Variants in SLC15A4 observed in about 807,000 individuals in gnomAD.
SLC15A4 encodes hPHT1.
In SLC15A4, 26 loss-of-function variants were observed where a neutral mutation model predicts 46.1. The ratio of observed to expected loss-of-function variants is 0.56; its 90% confidence interval spans 0.41 to 0.78. The LOEUF (loss-of-function observed/expected upper bound fraction) is 0.78. SLC15A4 is among the 30% of genes least tolerant of loss of function. SLC15A4 has a pLI of 0.00. For synonymous variants in SLC15A4, 370 were observed against 333.4 expected (o/e 1.11, Z -1.20); for missense variants, 751 against 755.7 (o/e 0.99, Z 0.07).
Position 128,794,200 on chromosome 12 carries a change from G to A in SLC15A4, c.1730C>T (p.Ala577Val), listed in dbSNP as rs113773617. Residue 577 changes from alanine to valine, a missense_variant, in exon 8 of 8, where the codon GCC (alanine) becomes GTC (valine). Ala to Val is a moderately conservative substitution (Grantham distance 64). Coordinates refer to ENST00000266771, the MANE Select transcript of SLC15A4 (RefSeq NM_145648.4). ...RANGVPTSRR[A>V] ...CCGCACATGGCCTCAGGAAGGTCAG[G>A]CCCTCCTGCTGGTGGGCACGCCATT... The A allele has an allele frequency of 1.3e-3, 2,103 of 1,611,124 alleles. 17 individuals are homozygous for A. In the African/African-American group the frequency reaches 0.02, roughly 16 times the overall value.
chr12:128,808,941 G>C lies in SLC15A4; in HGVS notation c.1105C>G (p.Leu369Val). The C allele has an allele frequency of 6.2e-7, 1 of 1,613,908 alleles. No individual in the cohort carries two copies. Among genetic ancestry groups the C allele is most frequent in the Non-Finnish European group, 8.5e-7 (1 of 1,179,846 alleles). The change falls in exon 5 of 8, where the codon CTG (leucine) becomes GTG (valine). Residue 369 changes from leucine (L) to valine (V), a missense_variant. Transcript: ENST00000266771. ...TTPHTLPAAW[L>V]TMFDAVLILL... ...ATGAGCACAGCATCAAACATGGTCA[G>C]CCAGGCTGCAGGGAGCTGGGGTGAA...
In SLC15A4 at chr12:128,795,145, C is replaced by G. The variant is rs1249420145; in HGVS notation, c.1574-789G>C. Among the ~76,000 whole-genome samples, 5 of 152,218 alleles carry G rather than the reference C, an allele frequency of 3.3e-5. No homozygotes were observed. The East Asian group carries it at 7.7e-4, about 24-fold the overall frequency. ...CATCACAGATTGCACTATGACACAGCCTGAACATCGTGAATTCTGGATTCA... is the reference window on the plus strand; with the variant it reads ...CATCACAGATTGCACTATGACACAGGCTGAACATCGTGAATTCTGGATTCA... On this transcript the variant is annotated intron_variant, in intron 7 of 7. Coordinates refer to ENST00000266771, the MANE Select transcript of SLC15A4 (RefSeq NM_145648.4).
In SLC15A4 at chr12:128,809,458, C is replaced by G; in HGVS notation, c.1027G>C (p.Val343Leu). ...TVYFQMQTTY[V>L]LQSLHLRIPE... ...ATCCTCAAATGAAGACTCTGTAAAA[C>G]ATATGTTGTCTGCATCTAGGTATAA... is the stretch of plus-strand genomic sequence containing the variant. The change falls in exon 4 of 8, where the codon GTT (valine) becomes CTT (leucine). Residue 343 changes from valine to leucine, a missense_variant. Physicochemically the swap from Val to Leu is conservative, Grantham distance 32. Coordinates refer to ENST00000266771, the MANE Select transcript of SLC15A4 (RefSeq NM_145648.4). The G allele has an allele frequency of 6.2e-7, 1 of 1,606,556 alleles. No individual in the cohort carries two copies. Among genetic ancestry groups the G allele is most frequent in the South Asian group, 1.1e-5 (1 of 89,808 alleles).
intron 5 of SLC15A4, among the ~76,000 whole-genome samples, chr12:128,807,017 C>T (rs969399231): frequency 3.3e-5 from 5 of 151,462 alleles, no homozygotes; most frequent in East Asian, 1.9e-4. Context: ...ACTCTCCTGC[C>T]TCAACCTCCC....
intron 2 of SLC15A4, chr12:128,810,358 G>C (rs746266940): frequency 1.3e-5 from 6 of 464,112 alleles, no homozygotes; most frequent in Non-Finnish European, 2.0e-5. Flanking sequence ...TGTAATTTTG[G>C]CGTGGCTGGA....
chr12:128,798,997 A>G (rs1391865560), intron 7 of SLC15A4, among the ~76,000 whole-genome samples: 2 of 152,134 alleles, frequency 1.3e-5, no homozygotes, highest in South Asian at 2.1e-4. Flanking sequence ...TGGCTGCAGC[A>G]GCTGCTCGCT....
intron 5 of SLC15A4, among the ~76,000 whole-genome samples, chr12:128,808,015 A>G (rs1039869249): frequency 3.3e-5 from 5 of 152,268 alleles, no homozygotes; most frequent in African/African-American, 9.6e-5. Context: ...ATGACAGCAG[A>G]TAATACATAG....
At chr12:128,822,255 G>C (rs1165714923) in intron 1 of SLC15A4, among the ~76,000 whole-genome samples, 1 of 152,242 alleles carries the variant, frequency 6.6e-6, no homozygotes, top group Non-Finnish European at 1.5e-5. Context: ...TTGCAGGGGA[G>C]CAGCTTGATG....
chr12:128,800,575 C>A (rs1348450622), intron 6 of SLC15A4, among the ~76,000 whole-genome samples: 1 of 152,262 alleles, frequency 6.6e-6, no homozygotes, highest in Non-Finnish European at 1.5e-5. Context: ...TGGGAACTAT[C>A]CAACCACGAT....
Position 128,794,365 on chromosome 12 carries a change from A to G in SLC15A4, c.1574-9T>C. On this transcript the variant is annotated splice_polypyrimidine_tract_variant and intron_variant, in intron 7 of 7. Coordinates refer to ENST00000266771, the MANE Select transcript of SLC15A4 (RefSeq NM_145648.4). The stretch of plus-strand genomic sequence containing the variant: ...GCAGCCGTTAATATTACCTGGAGAA[A>G]ACAAAAGGAAAGCGGCAGGTAAGCT... 3 of 1,581,824 alleles carry G rather than the reference A, an allele frequency of 1.9e-6. No homozygotes were observed. The highest frequency in any genetic ancestry group is 2.2e-5 in the East Asian group (1 of 44,732).
In SLC15A4 at chr12:128,823,745, A is replaced by C; in HGVS notation, c.199T>G (p.Phe67Val). The change falls in exon 1 of 8, where the codon TTC becomes GTC. Residue 67 changes from phenylalanine to valine, a missense_variant. Phe to Val is a conservative substitution (Grantham distance 50). Coordinates refer to ENST00000266771, the MANE Select transcript of SLC15A4 (RefSeq NM_145648.4). ...CTGGCCTGCGCGCCCTCCCAGCAGA[A>C]CGGCGCCCCGTTCAGGAATAGCACC... ...NLVLFLNGAP[F>V]CWEGAQASEA... 6.5e-7 allele frequency: 1 copy of C among 1,539,522 alleles called. No homozygotes were observed. The highest frequency in any genetic ancestry group is 1.4e-5 in the African/African-American group (1 of 70,990).
intron 7 of SLC15A4, 113 bp downstream of exon 7, chr12:128,799,146 G>C (rs1299853805): frequency 5.2e-6 from 6 of 1,161,846 alleles, no homozygotes; most frequent in Non-Finnish European, 1.2e-6. Flanking sequence ...TGGACAGGCA[G>C]CTCGGGACAG....
At chr12:128,800,541 C>A (rs777116213) in intron 6 of SLC15A4, among the ~76,000 whole-genome samples, 1 of 152,252 alleles carries the variant, frequency 6.6e-6, no homozygotes, top group African/African-American at 2.4e-5. Context: ...CCAGCCACCA[C>A]GGCAGCATGG....
intron 7 of SLC15A4, among the ~76,000 whole-genome samples, chr12:128,795,575 G>C (rs184657376): frequency 6.6e-6 from 1 of 152,190 alleles, no homozygotes; most frequent in Non-Finnish European, 1.5e-5. Flanking sequence ...ACGCGGTGAG[G>C]GTGCTAGCAA....
Position 128,808,932 on chromosome 12 carries a change from A to G in SLC15A4, c.1114T>C (p.Phe372Leu). 1 of 1,614,140 alleles carries G rather than the reference A, an allele frequency of 6.2e-7. No individual in the cohort carries two copies. The highest frequency in any genetic ancestry group is 1.1e-5 in the South Asian group (1 of 91,084). The change falls in exon 5 of 8, where the codon TTT (phenylalanine) becomes CTT (leucine). Residue 372 changes from phenylalanine to leucine, a missense_variant. Transcript: ENST00000266771. ...AGCAGGAGGATGAGCACAGCATCAA[A>G]CATGGTCAGCCAGGCTGCAGGGAGC... Reference protein sequence around the residue: ...HTLPAAWLTMFDAVLILLLIP... With the variant: ...HTLPAAWLTMLDAVLILLLIP...
At chr12:128,794,658 C>T (rs544187254) in intron 7 of SLC15A4, among the ~76,000 whole-genome samples, 2 of 152,320 alleles carry the variant, frequency 1.3e-5, no homozygotes, top group East Asian at 3.9e-4. Flanking sequence ...CCTGAGGAAA[C>T]TAGAAAAGGT....
At chr12:128,809,676 C>A in intron 3 of SLC15A4, 1 of 543,828 alleles carries the variant, frequency 1.8e-6, no homozygotes, top group Non-Finnish European at 3.2e-6. Context: ...AAAGAATGGC[C>A]AGTTATCCAA....
chr12:128,809,941 A>G lies in SLC15A4; in HGVS notation c.1011+2T>C. The G allele has an allele frequency of 1.9e-6, 3 of 1,609,420 alleles. No homozygotes were observed. The highest frequency in any genetic ancestry group is 1.7e-6 in the Non-Finnish European group (2 of 1,178,506). On this transcript the variant is annotated splice_donor_variant, in intron 3 of 7. Coordinates refer to ENST00000266771, the MANE Select transcript of SLC15A4 (RefSeq NM_145648.4). LOFTEE classifies it high-confidence loss of function. ...AAATTAAACCTGTTTGTCACCACTC[A>G]CTTGGAAATACACTGTCCAGTAAGG...
intron 7 of SLC15A4, among the ~76,000 whole-genome samples, chr12:128,797,639 T>C (rs1047153985): frequency 2.0e-5 from 3 of 152,220 alleles, no homozygotes; most frequent in Non-Finnish European, 4.4e-5. Flanking sequence ...AGCTATTTCC[T>C]GTGTCGGTCA....
Sources: gnomAD v4.1 joint callset for allele counts (sites outside exome capture counted in the v4.1 genomes callset) on GRCh38, gnomAD v4.1.1 for gene constraint, MANE v1.5 for transcripts, NCBI Gene and HGNC (gene_info 2026-07-23, HGNC 2026-07-21) for gene names.